Variants in MTA3 observed in about 807,000 individuals in gnomAD.
The protein encoded by MTA3 is metastasis-associated protein MTA3.
In MTA3, 34 loss-of-function variants were observed where a neutral mutation model predicts 83.5. The observed-to-expected ratio is 0.41, with a 90% CI of 0.31 to 0.54. The LOEUF (loss-of-function observed/expected upper bound fraction) is 0.54, where lower values mean the gene tolerates loss of function less well. Ranked by LOEUF, MTA3 falls within the 20% of genes least tolerant of loss-of-function variation. The probability of loss-of-function intolerance (pLI) is 0.33; values close to 1 mark genes in which losing one functional copy is unlikely to be tolerated. For synonymous variants in MTA3, 303 were observed against 252.7 expected, an observed-to-expected ratio of 1.20 and a Z score of -1.89; for missense variants, 761 against 726.4, an observed-to-expected ratio of 1.05 and a Z score of -0.55.
At chr2:42,727,263 GTCAGTAA>G (rs906918210) in intron 16 of MTA3, among the ~76,000 whole-genome samples, 6 of 152,298 alleles carry the variant, frequency 3.9e-5, no homozygotes, top group Admixed American at 2.6e-4. Flanking sequence ...AGTGCAAGGA[GTCAGTAA>G]TGATAAAAAG....
chr2:42,587,914 C>G (rs1365766393), intron 3 of MTA3, among the ~76,000 whole-genome samples: 1 of 152,038 alleles, frequency 6.6e-6, no homozygotes, highest in Non-Finnish European at 1.5e-5. Flanking sequence ...GTTTTTTATG[C>G]TTGCAAATTA....
chr2:42,729,362 A>G (rs543841324), intron 16 of MTA3, among the ~76,000 whole-genome samples: 3 of 152,194 alleles, frequency 2.0e-5, no homozygotes, highest in African/African-American at 7.2e-5. Context: ...CGGTCTCCCA[A>G]AGTGCTGGGA....
At chr2:42,554,632 C>T (rs1677291862) in intron 2 of MTA3, among the ~76,000 whole-genome samples, 1 of 152,136 alleles carries the variant, frequency 6.6e-6, no homozygotes, top group African/African-American at 2.4e-5. Context: ...GAAAGCCAGC[C>T]CGAATGACAG....
chr2:42,574,400 A>G lies in MTA3; in HGVS notation c.96+3896A>G, dbSNP rs111310939. On this transcript the variant is annotated intron_variant, in intron 2 of 16. Transcript: ENST00000405094. Reference sequence around the variant, plus strand: ...CTCGGCCTCCCAAAGTGCTGGGATTACAGGCGTGAGCCACCATGCCCGGCC... The same window carrying G: ...CTCGGCCTCCCAAAGTGCTGGGATTGCAGGCGTGAGCCACCATGCCCGGCC... 9.4e-3 allele frequency among the ~76,000 whole-genome samples: 1,425 copies of G among 152,194 alleles called. 27 individuals are homozygous for G. Among genetic ancestry groups the G allele is most frequent in the African/African-American group, 0.033 (1,354 of 41,504 alleles).
chr2:42,596,630 G>A (rs1681819360), intron 3 of MTA3, among the ~76,000 whole-genome samples: 1 of 152,124 alleles, frequency 6.6e-6, no homozygotes, highest in South Asian at 2.1e-4. Flanking sequence ...AGCAAGTACT[G>A]TATTAATACT....
intron 14 of MTA3, among the ~76,000 whole-genome samples, chr2:42,718,499 G>A (rs975829939): frequency 1.3e-5 from 2 of 151,588 alleles, no homozygotes; most frequent in Admixed American, 6.6e-5. Flanking sequence ...ACCCTCCTTG[G>A]CCTCCCAAAG....
At position 42,609,472 on chromosome 2, in the gene MTA3, G is replaced by C. The variant is rs765044429; in HGVS notation, c.205G>C (p.Glu69Gln). 79 of 1,613,466 alleles carry C rather than the reference G, an allele frequency of 4.9e-5. No homozygotes were observed. Among genetic ancestry groups the C allele is most frequent in the Non-Finnish European group, 6.0e-5 (71 of 1,179,702 alleles). Residue 69 changes from glutamate (E) to glutamine (Q), a missense_variant, in exon 4 of 17, where the codon GAA (glutamate) becomes CAA (glutamine). Glu to Gln is a conservative substitution (Grantham distance 29). Coordinates refer to ENST00000405094, the MANE Select transcript of MTA3 (RefSeq NM_001330442.2). ...ADKHAKEIEE[E>Q]SETTVEADLT... ...TATTTGTGTAGAAGAAATTGAGGAA[G>C]AATCTGAAACAACAGTTGAGGCTGA...
chr2:42,642,569 T>C (rs538629564), intron 5 of MTA3, among the ~76,000 whole-genome samples: 2 of 151,926 alleles, frequency 1.3e-5, no homozygotes, highest in African/African-American at 2.4e-5. Context: ...TTATTACTCA[T>C]GTCTGTAAAG....
chr2:42,502,296 C>G (rs957484186), intron 2 of MTA3, among the ~76,000 whole-genome samples: 6 of 152,132 alleles, frequency 3.9e-5, no homozygotes, highest in Non-Finnish European at 7.3e-5. Flanking sequence ...CTCCAGGACC[C>G]TCAGGAAGAA....
intron 2 of MTA3, among the ~76,000 whole-genome samples, chr2:42,536,858 CAAA>C (rs71410118): frequency 1.4e-4 from 12 of 84,304 alleles, no homozygotes; most frequent in Admixed American, 3.0e-4. Flanking sequence ...GACCCCATCT[CAAA>C]AAAAAAAAAA....
chr2:42,608,660 A>G (rs1459430921), intron 3 of MTA3, among the ~76,000 whole-genome samples: 1 of 152,224 alleles, frequency 6.6e-6, no homozygotes, highest in African/African-American at 2.4e-5. Flanking sequence ...AAGCAGGCAG[A>G]TCACTTGAGC....
intron 14 of MTA3, among the ~76,000 whole-genome samples, chr2:42,716,166 C>T (rs1340683164): frequency 2.0e-5 from 3 of 152,056 alleles, no homozygotes; most frequent in Non-Finnish European, 4.4e-5. Context: ...TTTATTTTTT[C>T]TCCTGGGAAT....
intron 3 of MTA3, among the ~76,000 whole-genome samples, chr2:42,596,503 A>T (rs934533458): frequency 2.6e-5 from 4 of 152,348 alleles, no homozygotes; most frequent in South Asian, 2.1e-4. Flanking sequence ...CCAGATTATT[A>T]TCAACTGTAA....
At chr2:42,537,151 C>T (rs1163122187) in intron 2 of MTA3, among the ~76,000 whole-genome samples, 1 of 152,190 alleles carries the variant, frequency 6.6e-6, no homozygotes, top group African/African-American at 2.4e-5. Flanking sequence ...TCTGTAAACT[C>T]ATCCCAGCAT....
At chr2:42,519,069 T>C (rs571297414) in intron 2 of MTA3, among the ~76,000 whole-genome samples, 31 of 147,772 alleles carry the variant, frequency 2.1e-4, no homozygotes, top group African/African-American at 7.5e-4. Flanking sequence ...GTAACTACAG[T>C]GGAGAAACCT....
intron 4 of MTA3, among the ~76,000 whole-genome samples, chr2:42,631,000 G>C (rs1281810120): frequency 6.6e-6 from 1 of 152,148 alleles, no homozygotes; most frequent in Non-Finnish European, 1.5e-5. Flanking sequence ...TGGATTATTA[G>C]TCTCTCTTCA....
intron 7 of MTA3, among the ~76,000 whole-genome samples, chr2:42,658,555 G>A (rs1232970785): frequency 2.0e-5 from 3 of 152,138 alleles, no homozygotes; most frequent in East Asian, 1.9e-4. Context: ...GAAGCTGGAC[G>A]TAATATCCAG....
chr2:42,735,903 G>A (rs1668576087), intron 16 of MTA3, among the ~76,000 whole-genome samples: 1 of 152,108 alleles, frequency 6.6e-6, no homozygotes, highest in Non-Finnish European at 1.5e-5. Context: ...TGTCTGAAAG[G>A]ACACATATCT....
chr2:42,665,341 G>T (rs1690138456), intron 8 of MTA3, among the ~76,000 whole-genome samples: 1 of 152,164 alleles, frequency 6.6e-6, no homozygotes, highest in African/African-American at 2.4e-5. Context: ...GCAGTGATCC[G>T]AGATTGTGCC....
Sources: allele counts gnomAD v4.1 joint callset (sites outside exome capture counted in the v4.1 genomes callset), GRCh38; gene constraint gnomAD v4.1.1; transcripts MANE v1.5; gene names NCBI Gene and HGNC (gene_info 2026-07-23, HGNC 2026-07-21).